The following ADAMTS19 variants were observed in gnomAD, a reference collection of about 807,000 sequenced individuals.
ADAMTS19 encodes the protein A disintegrin and metalloproteinase with thrombospondin motifs 19.
A neutral mutation model predicts 153.3 loss-of-function variants in ADAMTS19; 93 were observed. The observed-to-expected ratio is 0.61, with a 90% CI of 0.51 to 0.72. ADAMTS19 has a LOEUF of 0.72. ADAMTS19 is among the 30% of genes least tolerant of loss of function. The pLI is 0.00. For missense variants in ADAMTS19, 1,482 were observed against 1,552.1 expected (o/e 0.95, Z 0.76); for synonymous variants, 600 against 556.6 (o/e 1.08, Z -1.10).
At chr5:129,606,459 A>G (rs535007164) in intron 8 of ADAMTS19, among the ~76,000 whole-genome samples, 3 of 152,234 alleles carry the variant, frequency 2.0e-5, no homozygotes, top group South Asian at 4.2e-4. Context: ...TCAACTGTCT[A>G]TTCTTTCTTC....
chr5:129,618,687 C>A (rs1751640763), intron 8 of ADAMTS19, among the ~76,000 whole-genome samples: 1 of 151,880 alleles, frequency 6.6e-6, no homozygotes, highest in Non-Finnish European at 1.5e-5. Flanking sequence ...TTTTAAAACA[C>A]AATATAGATA....
chr5:129,492,868 A>G (rs1251667912), intron 2 of ADAMTS19, among the ~76,000 whole-genome samples: 1 of 152,088 alleles, frequency 6.6e-6, no homozygotes, highest in Non-Finnish European at 1.5e-5. Flanking sequence ...AGAGTTTACC[A>G]TTTTCTTAAT....
At chr5:129,657,719 A>G (rs1265413816) in intron 14 of ADAMTS19, among the ~76,000 whole-genome samples, 1 of 152,186 alleles carries the variant, frequency 6.6e-6, no homozygotes, top group Non-Finnish European at 1.5e-5. Context: ...TGGATAAACT[A>G]CAGTTGATTC....
Position 129,461,616 on chromosome 5 carries a change from G to A in ADAMTS19, c.606G>A (p.Arg202=). The A allele has an allele frequency of 6.4e-7, 1 of 1,553,950 alleles. No homozygotes were observed. The highest frequency in any genetic ancestry group is 1.7e-5 in the Admixed American group (1 of 57,418). The change falls in exon 2 of 23, where the codon CGG becomes CGA. Residue 202 remains arginine (R), a synonymous_variant. Coordinates refer to ENST00000274487, the MANE Select transcript of ADAMTS19 (RefSeq NM_133638.6). This position sits in a 1 kb window ranked among gnomAD's most constrained non-coding sequence, Gnocchi z 4.6. ...FLAPRFAVEQ[R]PNPGPGPTGA... ...CGCCGCGCTTCGCAGTGGAACAGCG[G>A]CCAAATCCCGGCCCCGGCCCCACGG... is the stretch of plus-strand genomic sequence containing the variant.
chr5:129,545,610 A>G (rs1415475351), intron 6 of ADAMTS19, among the ~76,000 whole-genome samples: 3 of 151,878 alleles, frequency 2.0e-5, no homozygotes, highest in Non-Finnish European at 2.9e-5. Context: ...GAAGACATTT[A>G]TGCAGCCAAA....
chr5:129,544,618 C>A (rs1292321716), intron 6 of ADAMTS19, among the ~76,000 whole-genome samples: 1 of 152,094 alleles, frequency 6.6e-6, no homozygotes, highest in South Asian at 2.1e-4. Flanking sequence ...AAAAACAAAG[C>A]AAGTTCTGGC....
Position 129,733,936 on chromosome 5 carries a change from AGT to A in ADAMTS19, c.3313-990_3313-989del, listed in dbSNP as rs1179085312. ...CACCAACAGATAACTGGATAAAGCAAGTGTGTGCGTGTGTGTGTGTGTGTGTG... is the reference window on the plus strand; with the variant it reads ...CACCAACAGATAACTGGATAAAGCAAGTGTGCGTGTGTGTGTGTGTGTGTG... On this transcript the variant is annotated intron_variant, in intron 21 of 22. Transcript: ENST00000274487. 1.0e-4 allele frequency among the ~76,000 whole-genome samples: 15 copies of A among 143,460 alleles called. No homozygotes were observed. In the South Asian group the frequency reaches 2.1e-3, roughly 20 times the overall value. The allele number at this position is 143,460 out of a possible 152,430, so 94.1% of individuals were successfully genotyped here.
intron 6 of ADAMTS19, among the ~76,000 whole-genome samples, chr5:129,543,040 G>GTTTTTTTTTTTTTTTTTTTTTTT (rs201935631): frequency 6.9e-6 from 1 of 144,754 alleles, no homozygotes; most frequent in Non-Finnish European, 1.5e-5. Flanking sequence ...TGTTGTTGTT[G>GTTTTTTTTTTTTTTTTTTTTTTT]TTGTTTTGTT....
rs563393789 is a variant in ADAMTS19, at chr5:129,556,555, G to A, written c.1372+4648G>A. ...GGTTACAAAGCAACAAAGAATTAAG[G>A]TAGTGGATGGAATTAAGGCTGCCAA... On this transcript the variant is annotated intron_variant, in intron 7 of 22. Transcript: ENST00000274487. Among the ~76,000 whole-genome samples, 23 of 152,234 alleles carry A rather than the reference G, an allele frequency of 1.5e-4. 1 individual carries two copies. The South Asian group carries it at 3.9e-3, about 26-fold the overall frequency.
chr5:129,707,741 TA>T (rs1756231989), intron 21 of ADAMTS19, among the ~76,000 whole-genome samples: 1 of 152,192 alleles, frequency 6.6e-6, no homozygotes, highest in African/African-American at 2.4e-5. Context: ...TGAGGTCAGT[TA>T]ATCTGTCAGT....
chr5:129,723,312 T>C (rs1757078787), intron 21 of ADAMTS19, among the ~76,000 whole-genome samples: 1 of 152,148 alleles, frequency 6.6e-6, no homozygotes, highest in Admixed American at 6.6e-5. Flanking sequence ...TCAGGTAAAA[T>C]AAAGTCATTC....
intron 7 of ADAMTS19, among the ~76,000 whole-genome samples, chr5:129,567,724 C>T (rs1335286669): frequency 1.3e-5 from 2 of 151,166 alleles, no homozygotes; most frequent in Admixed American, 6.6e-5. Flanking sequence ...TCCTGAGGCA[C>T]AGTAGTTATC....
chr5:129,515,112 T>C (rs912060385), intron 3 of ADAMTS19, among the ~76,000 whole-genome samples: 1 of 152,028 alleles, frequency 6.6e-6, no homozygotes, highest in South Asian at 2.1e-4. Flanking sequence ...TATGTGGATT[T>C]GTTTCTTTGC....
intron 7 of ADAMTS19, among the ~76,000 whole-genome samples, chr5:129,590,675 T>C (rs1416016963): frequency 6.6e-6 from 1 of 152,196 alleles, no homozygotes; most frequent in Non-Finnish European, 1.5e-5. Flanking sequence ...CATTCCTAGA[T>C]CACCTTCTTG....
chr5:129,556,941 G>A (rs892658984), intron 7 of ADAMTS19, among the ~76,000 whole-genome samples: 2 of 152,084 alleles, frequency 1.3e-5, no homozygotes, highest in African/African-American at 4.8e-5. Context: ...AATAAATTTG[G>A]ATACCTTAAG....
chr5:129,621,214 A>G (rs1751763335), intron 9 of ADAMTS19, among the ~76,000 whole-genome samples: 1 of 152,100 alleles, frequency 6.6e-6, no homozygotes, highest in South Asian at 2.1e-4. Flanking sequence ...AGCCCTTTCC[A>G]TGTTCAGTGG....
intron 2 of ADAMTS19, among the ~76,000 whole-genome samples, chr5:129,487,592 T>C (rs929720727): frequency 2.6e-5 from 4 of 152,240 alleles, no homozygotes; most frequent in South Asian, 2.1e-4. Flanking sequence ...ATCATGATAG[T>C]ACATATATAT....
At chr5:129,667,682 G>A (rs951017695) in intron 16 of ADAMTS19, among the ~76,000 whole-genome samples, 4 of 151,896 alleles carry the variant, frequency 2.6e-5, no homozygotes, top group Non-Finnish European at 5.9e-5. Context: ...GCTTCCTGAG[G>A]CCCTCATCAG....
intron 11 of ADAMTS19, among the ~76,000 whole-genome samples, chr5:129,643,167 G>GCA (rs76876946): frequency 0.018 from 2,603 of 148,080 alleles, 40 homozygotes; most frequent in African/African-American, 0.045. Context: ...ACACACAAAA[G>GCA]CACACACACA....
Sources: allele counts gnomAD v4.1 joint callset (sites outside exome capture counted in the v4.1 genomes callset), GRCh38; gene constraint gnomAD v4.1.1; non-coding constraint Gnocchi (gnomAD v3.1); transcripts MANE v1.5; gene names NCBI Gene and HGNC (gene_info 2026-07-23, HGNC 2026-07-21).